IGF2R: variants seen among roughly 807,000 people sequenced by gnomAD.
IGF2R encodes insulin like growth factor 2 receptor, also known as cation-independent mannose-6-phosphate receptor.
A neutral mutation model predicts 270.6 loss-of-function variants in IGF2R; 91 were observed. The ratio of observed to expected loss-of-function variants is 0.34; its 90% CI spans 0.28 to 0.40. The LOEUF is 0.40. Ranked by LOEUF, IGF2R falls within the 10% of genes least tolerant of loss-of-function variation. The pLI, the probability that IGF2R is intolerant of heterozygous loss-of-function variation, is 1.00. For missense variants in IGF2R, 2,805 were observed against 3,188.3 expected, an observed-to-expected ratio of 0.88 and a Z score of 2.90; for synonymous variants, 1,316 against 1,258.9, an observed-to-expected ratio of 1.05 and a Z score of -0.96.
At chr6:160,088,324 T>C (rs1483779494) in intron 42 of IGF2R, among the ~76,000 whole-genome samples, 177 bp downstream of exon 42, 1 of 152,238 alleles carries the variant, frequency 6.6e-6, no homozygotes, top group Non-Finnish European at 1.5e-5. Context: ...GATACAGTGC[T>C]GAGACACTGT....
chr6:160,037,473 G>A (rs1777853178), intron 10 of IGF2R, among the ~76,000 whole-genome samples: 1 of 152,218 alleles, frequency 6.6e-6, no homozygotes. Flanking sequence ...ATTTTTGAAG[G>A]TGAACGAGTG....
chr6:160,087,970 C>T, intron 41 of IGF2R, 63 bp from the exon 42 acceptor site: 1 of 1,083,484 alleles, frequency 9.2e-7, no homozygotes, highest in Non-Finnish European at 1.4e-6. Flanking sequence ...AGCCACTGCG[C>T]CTGCCTGAGG....
At chr6:159,996,152 T>A (rs1000065588) in intron 2 of IGF2R, among the ~76,000 whole-genome samples, 1 of 152,178 alleles carries the variant, frequency 6.6e-6, no homozygotes, top group South Asian at 2.1e-4. Context: ...ATAGTAATGA[T>A]GTGCTTGGGT....
At chr6:160,000,226 G>A (rs1482569282) in intron 2 of IGF2R, among the ~76,000 whole-genome samples, 1 of 152,210 alleles carries the variant, frequency 6.6e-6, no homozygotes, top group Non-Finnish European at 1.5e-5. Flanking sequence ...GAGAGAGGTT[G>A]GATTCACAGT....
At chr6:160,030,928 A>G (rs780585398) in intron 7 of IGF2R, among the ~76,000 whole-genome samples, 1 of 151,632 alleles carries the variant, frequency 6.6e-6, no homozygotes, top group East Asian at 1.9e-4. Context: ...AGTTCAAGCA[A>G]TCCTCCCACT....
chr6:160,074,075 A>G, intron 35 of IGF2R, 100 bp downstream of exon 35: 2 of 780,092 alleles, frequency 2.6e-6, no homozygotes, highest in Non-Finnish European at 4.2e-6. Context: ...GCTCAAGCAT[A>G]AAAAAAATGG....
Position 160,096,546 on chromosome 6 carries a change from G to A in IGF2R, c.6763G>A (p.Gly2255Arg), listed in dbSNP as rs1266187599. ...CCACTGTGACCCTCTGGTGGAGGAC[G>A]GGATCCCCGAGTTCAGTCACGAGAC... is the stretch of plus-strand genomic sequence containing the variant. Reference protein sequence around the residue: ...FFHCDPLVEDGIPEFSHETAD... With the variant: ...FFHCDPLVEDRIPEFSHETAD... The change falls in exon 45 of 48, where the codon GGG becomes AGG. Residue 2255 changes from glycine (G) to arginine (R), a missense_variant. By Grantham distance (125) the Gly-to-Arg change is moderately radical. This residue lies in a region of IGF2R where 1,851 missense variants were observed against 2,207.2 expected (regional missense o/e 0.84). Coordinates refer to ENST00000356956, the MANE Select transcript of IGF2R (RefSeq NM_000876.4). 1.2e-6 allele frequency: 2 copies of A among 1,614,132 alleles called. No homozygotes were observed. The highest frequency in any genetic ancestry group is 1.1e-5 in the South Asian group (1 of 91,068).
At chr6:159,991,365 TCCCC>T in intron 2 of IGF2R, 42 bp downstream of exon 2, 2 of 1,587,162 alleles carry the variant, frequency 1.3e-6, no homozygotes, top group Non-Finnish European at 8.6e-7. Context: ...GCAATATGAT[TCCCC>T]AATTTTGCAA....
intron 2 of IGF2R, among the ~76,000 whole-genome samples, chr6:159,992,512 T>C (rs1783994310): frequency 6.6e-6 from 1 of 152,140 alleles, no homozygotes; most frequent in Non-Finnish European, 1.5e-5. Flanking sequence ...TAATGTGCTA[T>C]TGTTCAATTC....
At position 160,040,662 on chromosome 6, in the gene IGF2R, T is replaced by A. The variant is rs960107030; in HGVS notation, c.1418T>A (p.Leu473His). ...GCCTGTGTTAAGGAGAAGGAAGACC[T>A]CCTCTGCGGTGCCACCGACGGGAAG... ...EYACVKEKED[L>H]LCGATDGKKR... The change falls in exon 11 of 48, where the codon CTC becomes CAC. Residue 473 changes from leucine (L) to histidine (H), a missense_variant. By Grantham distance (99) the Leu-to-His change is moderately conservative (BLOSUM62 -3). Transcript: ENST00000356956. The A allele has an allele frequency of 6.2e-7, 1 of 1,614,164 alleles. No homozygotes were observed. The highest frequency in any genetic ancestry group is 8.5e-7 in the Non-Finnish European group (1 of 1,180,008).
chr6:160,062,656 G>A, intron 26 of IGF2R, 37 bp downstream of exon 26: 1 of 1,450,102 alleles, frequency 6.9e-7, no homozygotes, highest in Non-Finnish European at 9.7e-7. Context: ...CATTTTAAAT[G>A]TATAGAGTAG....
In IGF2R at chr6:160,004,480, A is replaced by C. The variant is rs1037490386; in HGVS notation, c.290-4530A>C. Reference sequence around the variant, plus strand: ...CGTGGCCTAGAGGGCTCCGAGGTGCAGCCTGGCCAGTGTGGTCTGGAGGGG... The same window carrying C: ...CGTGGCCTAGAGGGCTCCGAGGTGCCGCCTGGCCAGTGTGGTCTGGAGGGG... On this transcript the variant is annotated intron_variant, in intron 2 of 47. Coordinates refer to ENST00000356956, the MANE Select transcript of IGF2R (RefSeq NM_000876.4). This position sits in a 1 kb window ranked among gnomAD's most constrained non-coding sequence, Gnocchi z 5.2. 6 of 153,242 alleles carry C rather than the reference A, an allele frequency of 3.9e-5. No homozygotes were observed. The South Asian group carries it at 6.2e-4, about 16-fold the overall frequency. The allele number at this position is 153,242 out of a possible 1,614,324, so 9.5% of individuals were successfully genotyped here. A position where few individuals can be genotyped will look rare whatever the true frequency, so the allele number is the denominator to read the frequency against.
chr6:159,980,044 G>C (rs571489399), intron 1 of IGF2R, among the ~76,000 whole-genome samples: 1 of 152,000 alleles, frequency 6.6e-6, no homozygotes, highest in Non-Finnish European at 1.5e-5. Context: ...AGATGGGCGC[G>C]GTGGCGGGCG....
At position 160,056,373 on chromosome 6, in the gene IGF2R, A is replaced by G. The variant is rs371164843; in HGVS notation, c.2695-51A>G. On this transcript the variant is annotated intron_variant, in intron 19 of 47. Coordinates refer to ENST00000356956, the MANE Select transcript of IGF2R (RefSeq NM_000876.4). The stretch of plus-strand genomic sequence containing the variant: ...CTCAGGCGAGTATTCTTTTGGTTCT[A>G]TCAAGTTCCATGTTACTGTATTGAC... 56 of 1,245,244 alleles carry G rather than the reference A, an allele frequency of 4.5e-5. 1 individual carries two copies. The South Asian group carries it at 5.4e-4, about 12-fold the overall frequency. 77.1% of individuals were successfully genotyped at this position (1,245,244 alleles called of 1,614,324 possible).
At chr6:160,065,814 GTATATATATATATA>G (rs59035193) in intron 29 of IGF2R, among the ~76,000 whole-genome samples, 3,354 of 78,424 alleles carry the variant, frequency 0.043, 208 homozygotes, top group African/African-American at 0.15. Context: ...GTGTGTGTGT[GTATATATATATATA>G]TATATATATA....
At chr6:160,078,477 G>A in intron 37 of IGF2R, 115 bp downstream of exon 37, 1 of 980,808 alleles carries the variant, frequency 1.0e-6, no homozygotes, top group East Asian at 2.4e-5. Flanking sequence ...GGTGTATGTG[G>A]CCACTGGGCA....
At chr6:160,089,421 A>G (rs554749809) in intron 43 of IGF2R, among the ~76,000 whole-genome samples, 168 bp downstream of exon 43, 22 of 152,364 alleles carry the variant, frequency 1.4e-4, no homozygotes, top group African/African-American at 4.6e-4. Flanking sequence ...GCGTTACTCA[A>G]TCATTAAGTT....
chr6:160,053,277 G>C (rs536146986), intron 19 of IGF2R, among the ~76,000 whole-genome samples: 73 of 152,172 alleles, frequency 4.8e-4, no homozygotes, highest in Middle Eastern at 6.8e-3. Context: ...TTGGGGGCTG[G>C]GGGGGAGGGA....
intron 4 of IGF2R, among the ~76,000 whole-genome samples, chr6:160,012,827 A>G (rs1210286736): frequency 1.4e-5 from 2 of 146,508 alleles, no homozygotes; most frequent in African/African-American, 2.5e-5. Context: ...GGGTTTCTCT[A>G]TGTTGGCCAG....
Sources: allele counts gnomAD v4.1 joint callset (sites outside exome capture counted in the v4.1 genomes callset), GRCh38; gene constraint gnomAD v4.1.1; regional missense constraint gnomAD v4.1.1; non-coding constraint Gnocchi (gnomAD v3.1); transcripts MANE v1.5; gene names NCBI Gene and HGNC (gene_info 2026-07-23, HGNC 2026-07-21).